The following SIRPD variants were observed in gnomAD, a reference collection of about 807,000 sequenced individuals.
SIRPD encodes the protein signal regulatory protein delta.
Under a neutral mutation model 18.0 loss-of-function variants are expected in SIRPD, and 21 were observed. That is an observed-to-expected ratio of 1.17 (90% confidence interval 0.83 to 1.68). The LOEUF (loss-of-function observed/expected upper bound fraction) is 1.68. Ranked by LOEUF, SIRPD falls within the 40% of genes most tolerant of loss-of-function variation. The probability of loss-of-function intolerance (pLI) is 0.00; values close to 1 mark genes in which losing one functional copy is unlikely to be tolerated. For synonymous variants in SIRPD, 106 were observed against 92.9 expected, an observed-to-expected ratio of 1.14 and a Z score of -0.81; for missense variants, 295 against 238.4, an observed-to-expected ratio of 1.24 and a Z score of -1.56.
intron 2 of SIRPD, among the ~76,000 whole-genome samples, chr20:1,548,635 T>C (rs984306128): frequency 1.3e-5 from 2 of 152,136 alleles, no homozygotes; most frequent in Non-Finnish European, 2.9e-5. Flanking sequence ...ATTTAATCTG[T>C]TTAGTTGTTA....
chr20:1,537,079 AG>A, intron 3 of SIRPD, 75 bp downstream of exon 3: 1 of 1,528,612 alleles, frequency 6.5e-7, no homozygotes, highest in South Asian at 1.2e-5. Context: ...GCCCCACTGC[AG>A]GTGGCGAAAT....
chr20:1,537,602 C>T (rs1388035603), intron 2 of SIRPD, among the ~76,000 whole-genome samples: 1 of 152,132 alleles, frequency 6.6e-6, no homozygotes, highest in African/African-American at 2.4e-5. Flanking sequence ...ACGGTGTGTC[C>T]AGCCTCCTGT....
chr20:1,547,863 TA>T (rs2091000421), intron 2 of SIRPD, among the ~76,000 whole-genome samples: 1 of 152,242 alleles, frequency 6.6e-6, no homozygotes, highest in Admixed American at 6.5e-5. Context: ...CTTCTTTTGT[TA>T]AATTTATTTT....
rs149371063 is a variant in SIRPD at position 1,540,924 on chromosome 20, A to G, written c.422-3614T>C. On this transcript the variant is annotated intron_variant, in intron 2 of 3. Transcript: ENST00000381623. ...TTGTTCTTGTGTTAGTTTGCTGAGAATGATGGTTTCAGCTTCATCCATGTC... is the reference window on the plus strand; with the variant it reads ...TTGTTCTTGTGTTAGTTTGCTGAGAGTGATGGTTTCAGCTTCATCCATGTC... Among the ~76,000 whole-genome samples, 173 of 152,302 alleles carry G rather than the reference A, an allele frequency of 1.1e-3. 4 individuals carry two copies. In the East Asian group the frequency reaches 0.032, roughly 29 times the overall value.
At chr20:1,540,202 C>T in intron 2 of SIRPD, 1 of 433,894 alleles carries the variant, frequency 2.3e-6, no homozygotes, top group South Asian at 1.6e-5. Context: ...GGGATGCTGG[C>T]AGCAAACCAG....
chr20:1,543,963 A>C (rs1390443929), intron 2 of SIRPD, among the ~76,000 whole-genome samples: 2 of 152,182 alleles, frequency 1.3e-5, no homozygotes, highest in African/African-American at 4.8e-5. Context: ...ATTTGATTGC[A>C]CTGTGATCTG....
chr20:1,552,770 G>A (rs561693140), intron 1 of SIRPD, among the ~76,000 whole-genome samples: 16 of 152,240 alleles, frequency 1.1e-4, no homozygotes, highest in Non-Finnish European at 1.9e-4. Flanking sequence ...ACCACAGACT[G>A]CCTAAGGAGC....
chr20:1,542,377 G>C (rs2090976028), intron 2 of SIRPD, among the ~76,000 whole-genome samples: 1 of 152,004 alleles, frequency 6.6e-6, no homozygotes, highest in South Asian at 2.1e-4. Context: ...TGTATTCCTA[G>C]GTATTTTATT....
intron 1 of SIRPD, among the ~76,000 whole-genome samples, chr20:1,553,523 T>G (rs978521867): frequency 2.0e-5 from 3 of 152,152 alleles, no homozygotes; most frequent in African/African-American, 7.2e-5. Context: ...TTCAGGGTCA[T>G]GGAATAAGTC....
rs754826201 is a variant in SIRPD at position 1,551,933 on chromosome 20, C to T, written c.179G>A (p.Gly60Glu). ...TGTTCCCTTGAACCACAAGACAGGT[C>T]CATTTGGTAAGGTATTGGGTACGCT... Reference protein sequence around the residue: ...SCSVPNTLPNGPVLWFKGTGP... With the variant: ...SCSVPNTLPNEPVLWFKGTGP... Residue 60 changes from glycine to glutamate, a missense_variant, in exon 2 of 4, where the codon GGA (glycine) becomes GAA (glutamate). By Grantham distance (98) the Gly-to-Glu change is moderately conservative (BLOSUM62 -2). Coordinates refer to ENST00000381623, the MANE Select transcript of SIRPD (RefSeq NM_178460.3). 1 of 1,614,030 alleles carries T rather than the reference C, an allele frequency of 6.2e-7. No individual in the cohort carries two copies. Among genetic ancestry groups the T allele is most frequent in the South Asian group, 1.1e-5 (1 of 91,082 alleles).
chr20:1,555,751 G>A (rs188178223), intron 1 of SIRPD, among the ~76,000 whole-genome samples: 14 of 152,244 alleles, frequency 9.2e-5, no homozygotes, highest in Admixed American at 5.2e-4. Flanking sequence ...CTTTTCTATC[G>A]CTGAATAACA....
At chr20:1,552,511 G>A (rs1033010012) in intron 1 of SIRPD, among the ~76,000 whole-genome samples, 35 of 152,230 alleles carry the variant, frequency 2.3e-4, no homozygotes, top group African/African-American at 8.4e-4. Flanking sequence ...GAGATGCACA[G>A]AAGAAGTTAA....
intron 1 of SIRPD, among the ~76,000 whole-genome samples, chr20:1,556,866 A>G (rs756649133): frequency 6.6e-6 from 1 of 152,238 alleles, no homozygotes; most frequent in Non-Finnish European, 1.5e-5. Flanking sequence ...AATTTCTGTA[A>G]TTTAAACCAC....
chr20:1,556,832 A>G (rs986157299), intron 1 of SIRPD, among the ~76,000 whole-genome samples: 1 of 152,244 alleles, frequency 6.6e-6, no homozygotes, highest in Non-Finnish European at 1.5e-5. Flanking sequence ...TTGAATATCT[A>G]GTCTCCAGAC....
At chr20:1,555,015 G>A (rs1295847284) in intron 1 of SIRPD, among the ~76,000 whole-genome samples, 1 of 152,126 alleles carries the variant, frequency 6.6e-6, no homozygotes, top group Non-Finnish European at 1.5e-5. Context: ...TACAAGATAA[G>A]TTCTACAAAA....
chr20:1,556,696 G>A (rs1457393378), intron 1 of SIRPD, among the ~76,000 whole-genome samples: 1 of 152,184 alleles, frequency 6.6e-6, no homozygotes, highest in Non-Finnish European at 1.5e-5. Flanking sequence ...AGGATACAGG[G>A]AGGGTGGTGC....
intron 2 of SIRPD, among the ~76,000 whole-genome samples, chr20:1,543,948 T>C (rs2090982721): frequency 6.6e-6 from 1 of 152,200 alleles, no homozygotes; most frequent in African/African-American, 2.4e-5. Context: ...TAATCCTGAG[T>C]TCTAATTTGA....
In SIRPD at chr20:1,546,207, A is replaced by T. The variant is rs533388077; in HGVS notation, c.421+5484T>A. Among the ~76,000 whole-genome samples, 197 of 152,330 alleles carry T rather than the reference A, an allele frequency of 1.3e-3. 3 individuals carry two copies. Among genetic ancestry groups the T allele is most frequent in the Non-Finnish European group, 6.5e-4 (44 of 68,032 alleles). On this transcript the variant is annotated intron_variant, in intron 2 of 3. Transcript: ENST00000381623. ...AGGCAGGAATGTTTAAGTCTGCTGAAGCTGTGCCCACAGCTGCCCCTTCCC... is the reference window on the plus strand; with the variant it reads ...AGGCAGGAATGTTTAAGTCTGCTGATGCTGTGCCCACAGCTGCCCCTTCCC...
At chr20:1,538,759 T>G (rs1476670547) in intron 2 of SIRPD, among the ~76,000 whole-genome samples, 1 of 152,214 alleles carries the variant, frequency 6.6e-6, no homozygotes, top group Non-Finnish European at 1.5e-5. Flanking sequence ...CAATATCCAT[T>G]ATCAATCATC....
Sources: allele counts gnomAD v4.1 joint callset (sites outside exome capture counted in the v4.1 genomes callset), GRCh38; gene constraint gnomAD v4.1.1; transcripts MANE v1.5; gene names NCBI Gene and HGNC (gene_info 2026-07-23, HGNC 2026-07-21).